The following CACNA1E variants were observed in gnomAD, a reference collection of about 807,000 sequenced individuals.
CACNA1E encodes voltage-dependent R-type calcium channel subunit alpha-1E.
Under a neutral mutation model 259.2 loss-of-function variants are expected in CACNA1E, and 40 were observed. That is an observed-to-expected ratio of 0.15 (90% CI 0.12 to 0.20). The LOEUF is 0.20. Ranked by LOEUF, CACNA1E falls within the 10% of genes least tolerant of loss-of-function variation. CACNA1E has a pLI of 1.00. For missense variants in CACNA1E, 1,874 were observed against 3,040.1 expected (o/e 0.62, Z 9.02); for synonymous variants, 1,104 against 1,138.5 (o/e 0.97, Z 0.61).
At chr1:181,639,119 G>T (rs1199100682) in intron 6 of CACNA1E, among the ~76,000 whole-genome samples, 1 of 150,424 alleles carries the variant, frequency 6.6e-6, no homozygotes, top group Non-Finnish European at 1.5e-5. Context: ...ATGGAGTCTC[G>T]CTATGTCTCC....
intron 6 of CACNA1E, among the ~76,000 whole-genome samples, chr1:181,620,780 A>G (rs1655650790): frequency 6.6e-6 from 1 of 152,230 alleles, no homozygotes; most frequent in African/African-American, 2.4e-5. Context: ...GTGAAATCCT[A>G]GGTGCCATAA....
chr1:181,721,666 A>C (rs1006821229), intron 15 of CACNA1E, 92 bp from the exon 16 acceptor site: 21 of 681,312 alleles, frequency 3.1e-5, no homozygotes, highest in Non-Finnish European at 3.6e-5. Context: ...GGGTAGATGC[A>C]AAAGACCCAG....
At chr1:181,761,968 C>T (rs1658618881) in intron 32 of CACNA1E, among the ~76,000 whole-genome samples, 1 of 152,156 alleles carries the variant, frequency 6.6e-6, no homozygotes, top group African/African-American at 2.4e-5. Context: ...GTCTATTTAT[C>T]CTATTACCAA....
chr1:181,534,593 A>T (rs980634344), intron 3 of CACNA1E, among the ~76,000 whole-genome samples: 4 of 152,106 alleles, frequency 2.6e-5, no homozygotes, highest in African/African-American at 9.7e-5. Context: ...AAATCTCAGA[A>T]ATCCCCACTA....
intron 6 of CACNA1E, among the ~76,000 whole-genome samples, chr1:181,639,623 C>T (rs1007375482): frequency 4.6e-5 from 7 of 152,160 alleles, no homozygotes; most frequent in African/African-American, 9.7e-5. Context: ...CCCTAATGAA[C>T]GGCAGAGAGA....
chr1:181,365,359 A>C (rs1050168879), intron 1 of CACNA1E, among the ~76,000 whole-genome samples: 11 of 152,208 alleles, frequency 7.2e-5, no homozygotes, highest in Non-Finnish European at 1.5e-4. Context: ...TTTTGTAAAG[A>C]CAGGGTCCTG....
intron 6 of CACNA1E, among the ~76,000 whole-genome samples, chr1:181,616,494 C>T (rs149190209): frequency 6.6e-6 from 1 of 152,096 alleles, no homozygotes; most frequent in Admixed American, 6.5e-5. Context: ...GTGGGTGGAT[C>T]ATGAGGTCGA....
At chr1:181,439,282 T>A (rs1045082574) in intron 2 of CACNA1E, among the ~76,000 whole-genome samples, 1 of 152,028 alleles carries the variant, frequency 6.6e-6, no homozygotes, top group Non-Finnish European at 1.5e-5. Context: ...GATTTCAAAT[T>A]TGAGATATTT....
At chr1:181,373,534 TTTC>T (rs1228384616) in intron 1 of CACNA1E, among the ~76,000 whole-genome samples, 5 of 136,936 alleles carry the variant, frequency 3.7e-5, no homozygotes, top group Non-Finnish European at 6.2e-5. Context: ...TTTTCTTTTC[TTTC>T]TTTTTTTTTT....
intron 7 of CACNA1E, among the ~76,000 whole-genome samples, chr1:181,678,828 T>C (rs186759002): frequency 1.2e-3 from 188 of 152,376 alleles, no homozygotes; most frequent in Admixed American, 2.2e-3. Flanking sequence ...GATTAAATGA[T>C]GTAATGAATA....
rs1662715125 is a variant in CACNA1E, at chr1:181,807,523, G to A, written c.*8689G>A. 1 of 151,826 alleles carries A rather than the reference G, an allele frequency of 6.6e-6. No homozygotes were observed. Among genetic ancestry groups the A allele is most frequent in the South Asian group, 2.1e-4 (1 of 4,802 alleles). 9.4% of individuals were successfully genotyped at this position (151,826 alleles called of 1,614,324 possible). ...AAGCCCCAGGCCCAGGCCTCCATTT[G>A]ATTTGCCACTCCGAGAACTGTCTGC... On this transcript the variant is annotated 3_prime_UTR_variant, in exon 48 of 48. Transcript: ENST00000367573.
intron 7 of CACNA1E, among the ~76,000 whole-genome samples, chr1:181,670,904 T>C (rs979598399): frequency 6.6e-6 from 1 of 152,212 alleles, no homozygotes; most frequent in African/African-American, 2.4e-5. Context: ...TTATGAGCAA[T>C]TAATACCTTA....
intron 1 of CACNA1E, among the ~76,000 whole-genome samples, chr1:181,356,706 G>A (rs935449094): frequency 6.6e-6 from 1 of 152,190 alleles, no homozygotes; most frequent in Non-Finnish European, 1.5e-5. Context: ...CTGCGGCGGT[G>A]GAGGCTGTTC....
chr1:181,732,842 G>A lies in CACNA1E; in HGVS notation c.2756G>A (p.Arg919Gln), dbSNP rs201406071. 1,636 of 1,613,532 alleles carry A rather than the reference G, an allele frequency of 1.0e-3. 2 individuals carry two copies. Among genetic ancestry groups the A allele is most frequent in the Non-Finnish European group, 1.1e-3 (1,246 of 1,179,666 alleles). ...CGGGCCAGGCACAGGCAGAGCCAAC[G>A]GCGCAGCCGGCATCGCCGCGTCAGG... ...EDRARHRQSQ[R>Q]RSRHRRVRTE... The change falls in exon 20 of 48, where the codon CGG (arginine) becomes CAG (glutamine). Residue 919 changes from arginine (R) to glutamine (Q), a missense_variant. Arg to Gln is a conservative substitution (Grantham distance 43). Coordinates refer to ENST00000367573, the MANE Select transcript of CACNA1E (RefSeq NM_001205293.3). This position sits in a 1 kb window ranked among gnomAD's most constrained non-coding sequence, Gnocchi z 5.5.
At chr1:181,640,008 G>C (rs952595442) in intron 6 of CACNA1E, among the ~76,000 whole-genome samples, 4 of 152,156 alleles carry the variant, frequency 2.6e-5, no homozygotes, top group African/African-American at 9.7e-5. Flanking sequence ...TCTGATACAG[G>C]CACCTACTCA....
At position 181,591,074 on chromosome 1, in the gene CACNA1E, G is replaced by T. The variant is rs373228061; in HGVS notation, c.951+10298G>T. On this transcript the variant is annotated intron_variant, in intron 6 of 47. Transcript: ENST00000367573. ...GAGTTACAAAACCTTCCACTGTAAA[G>T]AAAGGTATATTGTAGAATTGAGGAA... 2.0e-5 allele frequency among the ~76,000 whole-genome samples: 3 copies of T among 152,290 alleles called. No individual in the cohort carries two copies. The South Asian group carries it at 6.2e-4, about 32-fold the overall frequency.
intron 37 of CACNA1E, among the ~76,000 whole-genome samples, chr1:181,774,702 G>A (rs1475501779): frequency 6.6e-6 from 1 of 152,254 alleles, no homozygotes; most frequent in African/African-American, 2.4e-5. Context: ...AGCAGTCTCT[G>A]TGTTGTAGAA....
At chr1:181,447,234 A>C (rs1269628689) in intron 2 of CACNA1E, among the ~76,000 whole-genome samples, 1 of 152,172 alleles carries the variant, frequency 6.6e-6, no homozygotes, top group East Asian at 1.9e-4. Flanking sequence ...TGTATTTAAA[A>C]GTTAAATCTA....
At chr1:181,544,697 G>A (rs890831864) in intron 3 of CACNA1E, among the ~76,000 whole-genome samples, 8 of 152,128 alleles carry the variant, frequency 5.3e-5, no homozygotes, top group Non-Finnish European at 1.2e-4. Flanking sequence ...AATGTTTATT[G>A]TTGTTCTATT....
Sources: gnomAD v4.1 joint callset for allele counts (sites outside exome capture counted in the v4.1 genomes callset) on GRCh38, gnomAD v4.1.1 for gene constraint, Gnocchi (gnomAD v3.1) non-coding constraint, MANE v1.5 for transcripts, NCBI Gene and HGNC (gene_info 2026-07-23, HGNC 2026-07-21) for gene names.